The following GALNT17 variants were observed in gnomAD, a reference collection of about 807,000 sequenced individuals.
GALNT17 encodes polypeptide N-acetylgalactosaminyltransferase 17.
In GALNT17, 29 loss-of-function variants were observed where a neutral mutation model predicts 63.7. The observed-to-expected ratio is 0.46, with a 90% CI of 0.34 to 0.62. The LOEUF is 0.62. Ranked by LOEUF, GALNT17 falls within the 20% of genes least tolerant of loss-of-function variation. The pLI, the probability that GALNT17 is intolerant of heterozygous loss-of-function variation, is 0.01. For synonymous variants in GALNT17, 305 were observed against 318.3 expected, an observed-to-expected ratio of 0.96 and a Z score of 0.45; for missense variants, 603 against 799.6, an observed-to-expected ratio of 0.75 and a Z score of 2.97.
intron 5 of GALNT17, among the ~76,000 whole-genome samples, chr7:71,522,917 G>A (rs1181935887): frequency 6.6e-6 from 1 of 152,192 alleles, no homozygotes; most frequent in African/African-American, 2.4e-5. Context: ...TAGAAATGCA[G>A]ATTCTTAGTT....
chr7:71,212,364 T>C lies in GALNT17; in HGVS notation c.238+79324T>C, dbSNP rs543177027. Among the ~76,000 whole-genome samples, 39 of 152,280 alleles carry C rather than the reference T, an allele frequency of 2.6e-4. No homozygotes were observed. In the South Asian group the frequency reaches 8.1e-3, roughly 32 times the overall value. On this transcript the variant is annotated intron_variant, in intron 1 of 10. Coordinates refer to ENST00000333538, the MANE Select transcript of GALNT17 (RefSeq NM_022479.3). The stretch of plus-strand genomic sequence containing the variant: ...CCCCACCTAGATTTTAAAAGATGTA[T>C]GGAAAAACCTGGATGCCCAGGCAAA...
At chr7:71,613,899 A>G (rs12540649) in intron 6 of GALNT17, among the ~76,000 whole-genome samples, 4 of 151,194 alleles carry the variant, frequency 2.6e-5, no homozygotes, top group Non-Finnish European at 5.9e-5. Context: ...CTGCAGTGAG[A>G]TATGATCGAG....
chr7:71,391,333 G>A (rs1793047297), intron 3 of GALNT17, among the ~76,000 whole-genome samples: 1 of 152,160 alleles, frequency 6.6e-6, no homozygotes, highest in Non-Finnish European at 1.5e-5. Context: ...GGAAGGGAAG[G>A]TTAAGGCAAT....
intron 1 of GALNT17, among the ~76,000 whole-genome samples, chr7:71,221,591 C>T (rs984845868): frequency 4.6e-5 from 7 of 152,068 alleles, no homozygotes; most frequent in Admixed American, 3.3e-4. Flanking sequence ...CTTGTAAATC[C>T]ATAGATTCTC....
In GALNT17 at chr7:71,383,280, C is replaced by G. The variant is rs563740267; in HGVS notation, c.423-4955C>G. On this transcript the variant is annotated intron_variant, in intron 2 of 10. Transcript: ENST00000333538. ...AGATCCCCCTTGGATACCAAAATCC[C>G]TGGAAGCTCAAGGAAATCCCTCACA... is the stretch of plus-strand genomic sequence containing the variant. 5.9e-4 allele frequency among the ~76,000 whole-genome samples: 90 copies of G among 152,224 alleles called. 1 individual carries two copies. In the Middle Eastern group the frequency reaches 0.01, roughly 17 times the overall value.
intron 8 of GALNT17, among the ~76,000 whole-genome samples, 197 bp downstream of exon 8, chr7:71,670,306 G>T (rs1791050152): frequency 6.6e-6 from 1 of 152,132 alleles, no homozygotes; most frequent in South Asian, 2.1e-4. Flanking sequence ...ATGGACTATG[G>T]ATAAAAGACT....
At chr7:71,162,057 TTTCCTTCC>T (rs145567277) in intron 1 of GALNT17, among the ~76,000 whole-genome samples, 58 of 86,038 alleles carry the variant, frequency 6.7e-4, no homozygotes, top group African/African-American at 2.7e-3. Flanking sequence ...CCTTCCTCCC[TTTCCTTCC>T]TTCCTTCCTT....
intron 5 of GALNT17, among the ~76,000 whole-genome samples, chr7:71,569,299 C>T (rs2116873328): frequency 6.6e-6 from 1 of 152,186 alleles, no homozygotes; most frequent in African/African-American, 2.4e-5. Flanking sequence ...ATTTTGGATA[C>T]AAGAGGTACA....
chr7:71,536,578 T>A (rs776495983), intron 5 of GALNT17, among the ~76,000 whole-genome samples: 3 of 152,132 alleles, frequency 2.0e-5, no homozygotes, highest in Non-Finnish European at 4.4e-5. Flanking sequence ...CAGAAAGCCC[T>A]GATAAAACCA....
chr7:71,421,265 G>A (rs1786659533), intron 5 of GALNT17, among the ~76,000 whole-genome samples, 160 bp downstream of exon 5: 1 of 152,206 alleles, frequency 6.6e-6, no homozygotes, highest in South Asian at 2.1e-4. Flanking sequence ...CTTTCCTGCA[G>A]AGGGAGGATG....
At chr7:71,543,800 C>CTTTTTTTTCT (rs1554306455) in intron 5 of GALNT17, among the ~76,000 whole-genome samples, 1 of 146,922 alleles carries the variant, frequency 6.8e-6, no homozygotes, top group East Asian at 2.0e-4. Flanking sequence ...TCTTTTCTTT[C>CTTTTTTTTCT]TTTTTTTTTT....
chr7:71,608,294 G>A (rs571915968), intron 6 of GALNT17, among the ~76,000 whole-genome samples: 1 of 152,178 alleles, frequency 6.6e-6, no homozygotes, highest in South Asian at 2.1e-4. Context: ...TTTGATCCTG[G>A]AGTGATGGAT....
intron 1 of GALNT17, among the ~76,000 whole-genome samples, chr7:71,283,214 T>G (rs1790809395): frequency 6.6e-6 from 1 of 151,882 alleles, no homozygotes; most frequent in African/African-American, 2.4e-5. Context: ...AAAAAAAAAT[T>G]TGTGTGTAGA....
At chr7:71,271,039 TATAATTGTTTC>T (rs1365635565) in intron 1 of GALNT17, among the ~76,000 whole-genome samples, 1 of 152,140 alleles carries the variant, frequency 6.6e-6, no homozygotes, top group Non-Finnish European at 1.5e-5. Context: ...TTTACACTTA[TATAATTGTTTC>T]ATACGGGATA....
chr7:71,334,925 T>C (rs1381086831), intron 1 of GALNT17, among the ~76,000 whole-genome samples: 2 of 152,244 alleles, frequency 1.3e-5, no homozygotes, highest in Non-Finnish European at 2.9e-5. Flanking sequence ...GGCAGTTATC[T>C]GTGACTTGCT....
At chr7:71,326,478 AAG>A (rs532526700) in intron 1 of GALNT17, among the ~76,000 whole-genome samples, 2 of 151,712 alleles carry the variant, frequency 1.3e-5, no homozygotes, top group South Asian at 4.2e-4. Flanking sequence ...GAAAGCAAGA[AAG>A]AGAGAGAGAG....
At chr7:71,462,344 G>GT (rs1418319268) in intron 5 of GALNT17, among the ~76,000 whole-genome samples, 2 of 152,242 alleles carry the variant, frequency 1.3e-5, no homozygotes, top group Non-Finnish European at 2.9e-5. Context: ...CGTTGACTCT[G>GT]TTGCAATAGA....
At chr7:71,308,614 C>T (rs1479157401) in intron 1 of GALNT17, among the ~76,000 whole-genome samples, 2 of 152,082 alleles carry the variant, frequency 1.3e-5, no homozygotes, top group African/African-American at 4.8e-5. Flanking sequence ...CAGAACCTTG[C>T]AGCTTCAGGC....
chr7:71,350,499 A>G (rs1792170780), intron 2 of GALNT17, among the ~76,000 whole-genome samples: 1 of 152,208 alleles, frequency 6.6e-6, no homozygotes, highest in Admixed American at 6.5e-5. Flanking sequence ...GAAAAATACT[A>G]GAAAAAAAAT....
Sources: gnomAD v4.1 joint callset for allele counts (sites outside exome capture counted in the v4.1 genomes callset) on GRCh38, gnomAD v4.1.1 for gene constraint, MANE v1.5 for transcripts, NCBI Gene and HGNC (gene_info 2026-07-23, HGNC 2026-07-21) for gene names.